MTA3: variants seen among roughly 807,000 people sequenced by gnomAD.
MTA3 encodes the protein metastasis associated 1 family member 3, also known as metastasis-associated protein MTA3.
Under a neutral mutation model 83.5 loss-of-function variants are expected in MTA3, and 34 were observed. The observed-to-expected ratio is 0.41, with a 90% confidence interval of 0.31 to 0.54. MTA3 has a LOEUF of 0.54. MTA3 is among the 20% of genes least tolerant of loss of function. The pLI, the probability that MTA3 is intolerant of heterozygous loss-of-function variation, is 0.33. For missense variants in MTA3, 761 were observed against 726.4 expected (o/e 1.05, Z -0.55); for synonymous variants, 303 against 252.7 (o/e 1.20, Z -1.89).
chr2:42,535,527 CCCTT>C (rs1335291076), intron 2 of MTA3, among the ~76,000 whole-genome samples: 1 of 152,186 alleles, frequency 6.6e-6, no homozygotes, highest in Non-Finnish European at 1.5e-5. Context: ...GCACCCAACT[CCCTT>C]CCTTCCTTTT....
chr2:42,510,008 G>A (rs948874563), intron 2 of MTA3, among the ~76,000 whole-genome samples: 5 of 151,944 alleles, frequency 3.3e-5, no homozygotes, highest in South Asian at 2.1e-4. Context: ...CATACCTGCC[G>A]TGTCTGCCAG....
Position 42,753,816 on chromosome 2 carries a change from A to G in MTA3, c.*417A>G. 1 of 1,007,138 alleles carries G rather than the reference A, an allele frequency of 9.9e-7. No homozygotes were observed. The highest frequency in any genetic ancestry group is 4.2e-5 in the South Asian group (1 of 23,636). The allele number at this position is 1,007,138 out of a possible 1,614,324, so 62.4% of individuals were successfully genotyped here. Reference sequence around the variant, plus strand: ...CGGTCTTATGCTGTATAGTTACTAAATATGTACAGGAGGGCCATGGCATCT... The same window carrying G: ...CGGTCTTATGCTGTATAGTTACTAAGTATGTACAGGAGGGCCATGGCATCT... On this transcript the variant is annotated 3_prime_UTR_variant, in exon 17 of 17. Coordinates refer to ENST00000405094, the MANE Select transcript of MTA3 (RefSeq NM_001330442.2).
Position 42,718,009 on chromosome 2 carries a change from A to G in MTA3, c.1526-979A>G, listed in dbSNP as rs535139018. Among the ~76,000 whole-genome samples, 46 of 152,268 alleles carry G rather than the reference A, an allele frequency of 3.0e-4. No homozygotes were observed. In the South Asian group the frequency reaches 9.5e-3, roughly 32 times the overall value. On this transcript the variant is annotated intron_variant, in intron 14 of 16. Transcript: ENST00000405094. ...CATATTTCTGAGATGGGCACACGCA[A>G]TAAAAAAGCATGAGTGTGTTGGATG...
At chr2:42,505,202 C>G (rs566105582) in intron 2 of MTA3, among the ~76,000 whole-genome samples, 34 of 152,160 alleles carry the variant, frequency 2.2e-4, no homozygotes, top group African/African-American at 7.5e-4. Context: ...GGCATCCTGG[C>G]TAACACAGTG....
intron 2 of MTA3, among the ~76,000 whole-genome samples, chr2:42,538,917 G>A (rs534223226): frequency 2.7e-5 from 4 of 149,536 alleles, no homozygotes; most frequent in Non-Finnish European, 4.4e-5. Flanking sequence ...TGGGACTACA[G>A]GCGCCCGCCA....
At chr2:42,598,928 G>A (rs759189301) in intron 3 of MTA3, among the ~76,000 whole-genome samples, 1 of 152,290 alleles carries the variant, frequency 6.6e-6, no homozygotes, top group African/African-American at 2.4e-5. Context: ...TGTGCTAGTG[G>A]CATGCATTTT....
At chr2:42,497,510 G>A (rs567413225) in intron 2 of MTA3, among the ~76,000 whole-genome samples, 9 of 151,954 alleles carry the variant, frequency 5.9e-5, no homozygotes, top group Admixed American at 1.3e-4. Flanking sequence ...GCTTGAACCC[G>A]GGAGGCAGAA....
At chr2:42,679,686 T>C (rs1691694623) in intron 8 of MTA3, among the ~76,000 whole-genome samples, 1 of 152,192 alleles carries the variant, frequency 6.6e-6, no homozygotes, top group South Asian at 2.1e-4. Context: ...AACAGTGCCT[T>C]CTTCATTTTA....
In MTA3 at chr2:42,756,793, G is replaced by A. The variant is rs1670269109; in HGVS notation, c.*3394G>A. ...CTATGTCTCTGATTTTCCCTGCCAGGGAAGCTAACCCAGAGCACGCACCTG... is the reference window on the plus strand; with the variant it reads ...CTATGTCTCTGATTTTCCCTGCCAGAGAAGCTAACCCAGAGCACGCACCTG... On this transcript the variant is annotated 3_prime_UTR_variant, in exon 17 of 17. Coordinates refer to ENST00000405094, the MANE Select transcript of MTA3 (RefSeq NM_001330442.2). The A allele has an allele frequency of 1.0e-6, 1 of 985,438 alleles. No individual in the cohort carries two copies. Among genetic ancestry groups the A allele is most frequent in the Non-Finnish European group, 1.2e-6 (1 of 829,968 alleles). The allele number at this position is 985,438 out of a possible 1,614,324, so 61.0% of individuals were successfully genotyped here. A position where few individuals can be genotyped will look rare whatever the true frequency, so the allele number is the denominator to read the frequency against.
chr2:42,619,936 C>A (rs1336351834), intron 4 of MTA3, among the ~76,000 whole-genome samples: 3 of 152,082 alleles, frequency 2.0e-5, no homozygotes, highest in Non-Finnish European at 4.4e-5. Context: ...AAGGCAAGTT[C>A]TACTTAAGAA....
chr2:42,638,765 A>G (rs1401079645), intron 4 of MTA3, among the ~76,000 whole-genome samples: 3 of 151,648 alleles, frequency 2.0e-5, no homozygotes, highest in Non-Finnish European at 4.4e-5. Flanking sequence ...AAAAAAGAAA[A>G]CCTTTATAAA....
intron 2 of MTA3, among the ~76,000 whole-genome samples, chr2:42,575,216 G>T (rs1017362827): frequency 6.6e-6 from 1 of 152,036 alleles, no homozygotes; most frequent in Non-Finnish European, 1.5e-5. Flanking sequence ...ATTTGTGTCC[G>T]TCCTACCCCT....
At chr2:42,708,431 G>A (rs982826932) in intron 13 of MTA3, among the ~76,000 whole-genome samples, 6 of 152,172 alleles carry the variant, frequency 3.9e-5, no homozygotes, top group African/African-American at 1.2e-4. Flanking sequence ...CTGTTTTGGA[G>A]GGACAAGAAG....
chr2:42,505,434 G>A (rs537370736), intron 2 of MTA3, among the ~76,000 whole-genome samples: 2 of 151,948 alleles, frequency 1.3e-5, no homozygotes, highest in Admixed American at 1.3e-4. Flanking sequence ...CTCACCTAAG[G>A]TTCCAAAGCT....
rs144730740 is a variant in MTA3, at chr2:42,525,483, C to CTTCCTTCCTTCCTTCT, written c.-141+30244_-141+30245insTTTCCTTCCTTCCTTC. On this transcript the variant is annotated intron_variant, in intron 2 of 17. Coordinates refer to the MTA3 transcript ENST00000405592. ...CCAAAGTGCTAGGATCAATTCCTTC[C>CTTCCTTCCTTCCTTCT]TTCCTTCCTTCCTTCCTTCCTTCCC... Among the ~76,000 whole-genome samples the CTTCCTTCCTTCCTTCT allele has an allele frequency of 3.3e-4, 48 of 147,318 alleles. 1 individual carries two copies. Among genetic ancestry groups the CTTCCTTCCTTCCTTCT allele is most frequent in the South Asian group, 6.7e-4 (3 of 4,468 alleles).
chr2:42,573,580 C>T (rs954104018), intron 2 of MTA3, among the ~76,000 whole-genome samples: 13 of 152,094 alleles, frequency 8.5e-5, no homozygotes, highest in African/African-American at 3.1e-4. Flanking sequence ...GCATGATCTC[C>T]GGTCACTGCA....
rs114655841 is a variant in MTA3 at position 42,717,560 on chromosome 2, C to A, written c.1526-1428C>A. Among the ~76,000 whole-genome samples, 609 of 152,270 alleles carry A rather than the reference C, an allele frequency of 4.0e-3. 4 individuals are homozygous for A. The highest frequency in any genetic ancestry group is 0.013 in the African/African-American group (542 of 41,558). On this transcript the variant is annotated intron_variant, in intron 14 of 16. Coordinates refer to ENST00000405094, the MANE Select transcript of MTA3 (RefSeq NM_001330442.2). ...TTTATTTTTGTCTGAAAATGTCTTA[C>A]AATAGGGTATAATGAGCATCATGAA...
chr2:42,592,789 C>T (rs942262988), intron 3 of MTA3, among the ~76,000 whole-genome samples: 5 of 152,200 alleles, frequency 3.3e-5, no homozygotes, highest in South Asian at 2.1e-4. Flanking sequence ...GAATACCTTC[C>T]GAAGGACCTG....
chr2:42,666,335 T>G (rs908152712), intron 8 of MTA3, among the ~76,000 whole-genome samples: 1 of 152,218 alleles, frequency 6.6e-6, no homozygotes, highest in South Asian at 2.1e-4. Flanking sequence ...TCCTACCTTA[T>G]ATCCTTTTAG....
Sources: allele counts gnomAD v4.1 joint callset (sites outside exome capture counted in the v4.1 genomes callset), GRCh38; gene constraint gnomAD v4.1.1; transcripts MANE v1.5; gene names NCBI Gene and HGNC (gene_info 2026-07-23, HGNC 2026-07-21).